GRIA4: variants seen among roughly 807,000 people sequenced by gnomAD.
GRIA4 encodes glutamate receptor 4.
Under a neutral mutation model 104.0 loss-of-function variants are expected in GRIA4, and 34 were observed. That is an observed-to-expected ratio of 0.33 (90% CI 0.25 to 0.44). The LOEUF (loss-of-function observed/expected upper bound fraction) is 0.44. GRIA4 is among the 20% of genes least tolerant of loss of function. The pLI is 1.00. For synonymous variants in GRIA4, 386 were observed against 381.9 expected (o/e 1.01, Z -0.13); for missense variants, 750 against 1,096.5 (o/e 0.68, Z 4.46).
intron 3 of GRIA4, among the ~76,000 whole-genome samples, chr11:105,616,736 A>G (rs999856028): frequency 6.6e-6 from 1 of 151,786 alleles, no homozygotes; most frequent in African/African-American, 2.4e-5. Flanking sequence ...AAATACTAGA[A>G]TTAAATACTA....
intron 4 of GRIA4, among the ~76,000 whole-genome samples, chr11:105,838,725 G>T (rs2135952126): frequency 6.6e-6 from 1 of 152,186 alleles, no homozygotes; most frequent in East Asian, 1.9e-4. Flanking sequence ...GGTTAGATTG[G>T]CTACACAGAT....
intron 3 of GRIA4, among the ~76,000 whole-genome samples, chr11:105,663,566 A>G (rs938541205): frequency 4.6e-5 from 7 of 151,988 alleles, no homozygotes; most frequent in African/African-American, 1.7e-4. Flanking sequence ...ATAAGGGAAT[A>G]GGGAAAGGCT....
intron 4 of GRIA4, among the ~76,000 whole-genome samples, chr11:105,798,881 G>A (rs1942601805): frequency 6.6e-6 from 1 of 152,148 alleles, no homozygotes; most frequent in Admixed American, 6.6e-5. Context: ...TAATTTTGAA[G>A]TGCTTATCAT....
rs7119387 is a variant in GRIA4, at chr11:105,958,201, G to A, written c.2295-13713G>A. 5.0e-3 allele frequency among the ~76,000 whole-genome samples: 759 copies of A among 152,228 alleles called. 5 individuals carry two copies. The highest frequency in any genetic ancestry group is 0.017 in the African/African-American group (697 of 41,530). ...CCCTGTCTTGTGCCAGTTTTCAAAG[G>A]GAATGCTTCCAGTTTTTGCCCATTC... On this transcript the variant is annotated intron_variant, in intron 14 of 16. Coordinates refer to ENST00000282499, the MANE Select transcript of GRIA4 (RefSeq NM_000829.4).
At chr11:105,782,485 C>T (rs1048985574) in intron 4 of GRIA4, among the ~76,000 whole-genome samples, 6 of 152,092 alleles carry the variant, frequency 3.9e-5, no homozygotes, top group South Asian at 2.1e-4. Context: ...GTTTCTGTAA[C>T]GGTGTAAATT....
At chr11:105,627,005 G>A (rs1313749315) in intron 3 of GRIA4, among the ~76,000 whole-genome samples, 1 of 152,124 alleles carries the variant, frequency 6.6e-6, no homozygotes, top group African/African-American at 2.4e-5. Context: ...TTTGTCTTGT[G>A]CAGATATTTG....
At chr11:105,794,432 GGT>G (rs71041628) in intron 4 of GRIA4, among the ~76,000 whole-genome samples, 66,306 of 99,786 alleles carry the variant, frequency 0.66, 22,495 homozygotes, top group African/African-American at 0.75. Context: ...TGTGTGCCGG[GGT>G]GTGTGTGTGT....
intron 6 of GRIA4, among the ~76,000 whole-genome samples, chr11:105,889,017 T>C (rs1348582469): frequency 1.3e-5 from 2 of 152,158 alleles, no homozygotes; most frequent in Non-Finnish European, 2.9e-5. Flanking sequence ...GATAACTAAG[T>C]ACAGTGAAAT....
chr11:105,914,370 T>C (rs1947340572), intron 10 of GRIA4, among the ~76,000 whole-genome samples: 1 of 152,062 alleles, frequency 6.6e-6, no homozygotes, highest in Non-Finnish European at 1.5e-5. Context: ...ACTGATCTCA[T>C]TATTTTATCA....
intron 3 of GRIA4, among the ~76,000 whole-genome samples, chr11:105,733,729 C>T (rs1289210825): frequency 6.6e-6 from 1 of 152,080 alleles, no homozygotes; most frequent in Non-Finnish European, 1.5e-5. Context: ...GTTGGGATTA[C>T]AGGAGTGAGC....
chr11:105,924,861 C>T, intron 12 of GRIA4, 92 bp downstream of exon 12: 1 of 997,772 alleles, frequency 1.0e-6, no homozygotes, highest in East Asian at 2.4e-5. Context: ...TTCCTGAAGA[C>T]AGAGGACTAT....
chr11:105,960,232 T>C (rs543780487), intron 14 of GRIA4, among the ~76,000 whole-genome samples: 8 of 152,346 alleles, frequency 5.3e-5, no homozygotes, highest in Non-Finnish European at 1.2e-4. Context: ...AGTCTGCTGG[T>C]CCGCAGAGAC....
chr11:105,647,137 CA>C (rs1308510608), intron 3 of GRIA4, among the ~76,000 whole-genome samples: 2 of 152,086 alleles, frequency 1.3e-5, no homozygotes, highest in Admixed American at 1.3e-4. Context: ...GGGCAAATGA[CA>C]TGAACAGACA....
chr11:105,914,128 T>C (rs2136174583), intron 10 of GRIA4, among the ~76,000 whole-genome samples: 1 of 151,952 alleles, frequency 6.6e-6, no homozygotes, highest in South Asian at 2.1e-4. Flanking sequence ...AAAATATTAA[T>C]TTTCCTATTT....
intron 3 of GRIA4, chr11:105,613,856 A>T (rs929957740): frequency 5.9e-5 from 9 of 151,970 alleles, no homozygotes; most frequent in Non-Finnish European, 4.4e-5. Flanking sequence ...AAATCTCTTG[A>T]CATATTTGGT....
chr11:105,905,487 T>C (rs897788747), intron 9 of GRIA4, among the ~76,000 whole-genome samples, 186 bp downstream of exon 9: 1 of 152,224 alleles, frequency 6.6e-6, no homozygotes, highest in African/African-American at 2.4e-5. Context: ...TATTTAGTAG[T>C]GTGCCCAAGC....
chr11:105,899,663 A>G (rs1946787500), intron 7 of GRIA4, among the ~76,000 whole-genome samples: 1 of 152,234 alleles, frequency 6.6e-6, no homozygotes, highest in African/African-American at 2.4e-5. Flanking sequence ...AAGTAAATAT[A>G]GAACTATTGC....
chr11:105,942,307 G>A (rs904122380), intron 14 of GRIA4, among the ~76,000 whole-genome samples: 1 of 152,012 alleles, frequency 6.6e-6, no homozygotes, highest in African/African-American at 2.4e-5. Context: ...ATAAGCCATA[G>A]AATTAGTTAA....
intron 14 of GRIA4, among the ~76,000 whole-genome samples, chr11:105,944,334 T>A: frequency 6.6e-6 from 1 of 152,172 alleles, no homozygotes; most frequent in East Asian, 1.9e-4. Flanking sequence ...TTACCCAAAG[T>A]TAAATAACAA....
Sources: allele counts gnomAD v4.1 joint callset (sites outside exome capture counted in the v4.1 genomes callset), GRCh38; gene constraint gnomAD v4.1.1; transcripts MANE v1.5; gene names NCBI Gene and HGNC (gene_info 2026-07-23, HGNC 2026-07-21).